USP49: variants seen among roughly 807,000 people sequenced by gnomAD.
USP49 encodes the protein ubiquitin carboxyl-terminal hydrolase 49.
Under a neutral mutation model 58.6 loss-of-function variants are expected in USP49, and 24 were observed. The observed-to-expected ratio is 0.41, with a 90% CI of 0.30 to 0.58. The LOEUF (loss-of-function observed/expected upper bound fraction) is 0.58. USP49 is among the 20% of genes least tolerant of loss of function. The pLI is 0.30. For missense variants in USP49, 703 were observed against 866.1 expected, an observed-to-expected ratio of 0.81 and a Z score of 2.36; for synonymous variants, 408 against 365.1, an observed-to-expected ratio of 1.12 and a Z score of -1.34.
Position 41,803,740 on chromosome 6 carries a change from C to G in USP49, c.1561+66G>C. The G allele has an allele frequency of 1.3e-6, 2 of 1,541,262 alleles. No individual in the cohort carries two copies. The highest frequency in any genetic ancestry group is 8.9e-7 in the Non-Finnish European group (1 of 1,117,514). On this transcript the variant is annotated intron_variant, in intron 5 of 7. Transcript: ENST00000682992. This position sits in a 1 kb window ranked among gnomAD's most constrained non-coding sequence, Gnocchi z 4.1. ...TTACTTTTGACTAAAGAGGACAAAG[C>G]AGCACCTTAAACTGATATTCCAATT... is the stretch of plus-strand genomic sequence containing the variant.
chr6:41,884,471 A>C (rs1162235565), intron 2 of USP49, among the ~76,000 whole-genome samples: 4 of 152,234 alleles, frequency 2.6e-5, no homozygotes, highest in African/African-American at 4.8e-5. Flanking sequence ...ACATACACCA[A>C]AAGAATCAGT....
intron 2 of USP49, among the ~76,000 whole-genome samples, chr6:41,876,409 T>C (rs1774505390): frequency 6.6e-6 from 1 of 152,218 alleles, no homozygotes; most frequent in African/African-American, 2.4e-5. Context: ...ATCAGCCATC[T>C]AATTGAACTT....
intron 3 of USP49, among the ~76,000 whole-genome samples, chr6:41,870,309 T>C (rs1445524209): frequency 6.6e-6 from 1 of 152,206 alleles, no homozygotes; most frequent in Non-Finnish European, 1.5e-5. Context: ...AAGTTAATAG[T>C]GACTGGTTAA....
intron 3 of USP49, among the ~76,000 whole-genome samples, chr6:41,860,999 CA>C (rs2127354757): frequency 6.6e-6 from 1 of 152,022 alleles, no homozygotes; most frequent in East Asian, 2.0e-4. Context: ...CATGGTGGCA[CA>C]CGCCTGTAAT....
chr6:41,864,700 G>A (rs560247007), intron 3 of USP49, among the ~76,000 whole-genome samples: 9 of 152,112 alleles, frequency 5.9e-5, no homozygotes, highest in East Asian at 3.9e-4. Context: ...GGTCATTCAC[G>A]TTTTAAATGT....
In USP49 at chr6:41,820,181, G is replaced by GT. The variant is rs58334288; in HGVS notation, c.-28-13171dup. 8.8e-4 allele frequency among the ~76,000 whole-genome samples: 130 copies of GT among 148,088 alleles called. 1 individual carries two copies. Among genetic ancestry groups the GT allele is most frequent in the South Asian group, 7.2e-3 (34 of 4,710 alleles). On this transcript the variant is annotated intron_variant, in intron 3 of 7. Coordinates refer to ENST00000682992, the MANE Select transcript of USP49 (RefSeq NM_001286554.2). ...CTGTCTGTATCTAGCTACATCATTA[G>GT]TTTTTTTTTTTTTTAAGTTTTATTG...
chr6:41,894,720 C>T (rs1443935363), intron 1 of USP49, among the ~76,000 whole-genome samples: 1 of 152,002 alleles, frequency 6.6e-6, no homozygotes, highest in Admixed American at 6.5e-5. Flanking sequence ...CAAACCCCTG[C>T]TCTTACACCT....
Position 41,793,149 on chromosome 6 carries a change from CAAAAAT to C in USP49, c.*3378_*3383del, listed in dbSNP as rs1772826216. The C allele has an allele frequency of 6.6e-6, 1 of 152,162 alleles. No homozygotes were observed. Among genetic ancestry groups the C allele is most frequent in the Admixed American group, 6.5e-5 (1 of 15,280 alleles). 9.4% of individuals were successfully genotyped at this position (152,162 alleles called of 1,614,324 possible). A position where few individuals can be genotyped will look rare whatever the true frequency, so the allele number is the denominator to read the frequency against. On this transcript the variant is annotated 3_prime_UTR_variant, in exon 8 of 8. Transcript: ENST00000682992. ...ACTCTAGAAGCCTTGCCATTAAAAA[CAAAAAT>C]AAACTCTGCTATTGAGTCCATAGGA...
intron 2 of USP49, among the ~76,000 whole-genome samples, chr6:41,890,301 C>G (rs545615536): frequency 4.2e-4 from 63 of 151,712 alleles, no homozygotes; most frequent in African/African-American, 1.4e-3. Context: ...ATCGCTTGAA[C>G]CTGGGAGGCG....
At chr6:41,850,554 A>T (rs1207748588) in intron 3 of USP49, among the ~76,000 whole-genome samples, 1 of 152,078 alleles carries the variant, frequency 6.6e-6, no homozygotes, top group Non-Finnish European at 1.5e-5. Flanking sequence ...ATAAGAGACT[A>T]CTATAAACAA....
At chr6:41,858,599 C>G (rs1774170047) in intron 3 of USP49, among the ~76,000 whole-genome samples, 3 of 152,176 alleles carry the variant, frequency 2.0e-5, no homozygotes, top group Non-Finnish European at 4.4e-5. Flanking sequence ...GGCCTCCTCA[C>G]TGTTCTTCCA....
Position 41,806,218 on chromosome 6 carries a change from G to A in USP49, c.766C>T (p.Arg256Cys). ...PAMAPGVTGLRNLGNTCYMNS... is the reference protein window; with the variant it reads ...PAMAPGVTGLCNLGNTCYMNS... The stretch of plus-strand genomic sequence containing the variant: ...ATGTAGCAGGTGTTGCCCAGGTTGC[G>A]CAGGCCCGTGACGCCTGGGGCCATG... The change falls in exon 4 of 8, where the codon CGC becomes TGC. Residue 256 changes from arginine (R) to cysteine (C), a missense_variant. Arg to Cys is a radical substitution (Grantham distance 180, BLOSUM62 -3). This residue lies in a region of USP49 where 376 missense variants were observed against 373.5 expected (regional missense o/e 1.01). Transcript: ENST00000682992. This position sits in a 1 kb window ranked among gnomAD's most constrained non-coding sequence, Gnocchi z 5.9. The A allele has an allele frequency of 1.2e-6, 2 of 1,611,840 alleles. No homozygotes were observed. Among genetic ancestry groups the A allele is most frequent in the Non-Finnish European group, 8.5e-7 (1 of 1,180,014 alleles).
chr6:41,859,721 A>C (rs1205077590), intron 3 of USP49, among the ~76,000 whole-genome samples: 4 of 152,230 alleles, frequency 2.6e-5, no homozygotes, highest in African/African-American at 9.6e-5. Context: ...AGGTGAAAAA[A>C]TATTCTGACA....
At chr6:41,799,791 ACAGCTCTCAC>A (rs1319457827) in intron 6 of USP49, 29 bp downstream of exon 6, 1 of 1,581,232 alleles carries the variant, frequency 6.3e-7, no homozygotes, top group South Asian at 1.1e-5. Context: ...AGCTATTCCC[ACAGCTCTCAC>A]CCAGCTGGGA....
intron 7 of USP49, chr6:41,797,918 A>C: frequency 1.4e-5 from 10 of 731,548 alleles, no homozygotes; most frequent in Non-Finnish European, 1.7e-5. Flanking sequence ...CCCAGGCTAG[A>C]ATGCAGTGGT....
At chr6:41,820,846 A>G (rs1045949364) in intron 3 of USP49, among the ~76,000 whole-genome samples, 1 of 152,028 alleles carries the variant, frequency 6.6e-6, no homozygotes, top group Non-Finnish European at 1.5e-5. Context: ...CAAAAACTAC[A>G]AAAAATTATC....
chr6:41,812,493 A>G (rs1314021446), intron 3 of USP49, among the ~76,000 whole-genome samples: 6 of 151,684 alleles, frequency 4.0e-5, no homozygotes, highest in Middle Eastern at 3.4e-3. Context: ...GGAGATCGAG[A>G]CCATCCTGGA....
intron 3 of USP49, among the ~76,000 whole-genome samples, chr6:41,846,970 C>CT (rs1478727738): frequency 1.3e-5 from 2 of 152,160 alleles, no homozygotes; most frequent in Non-Finnish European, 2.9e-5. Flanking sequence ...CATAGGCAGA[C>CT]ATCAGGGGGA....
Position 41,796,689 on chromosome 6 carries a change from A to G in USP49, c.1911T>C (p.Asn637=), listed in dbSNP as rs1027519930. The change falls in exon 8 of 8, where the codon AAT becomes AAC. Residue 637 remains asparagine (N), a synonymous_variant. Transcript: ENST00000682992. The stretch of plus-strand genomic sequence containing the variant: ...TGCACACTTCCTCGACACTGCATAC[A>G]TTCAGCTTTGAGTCATTGCAGTGGA... ...FWVHCNDSKL[N]VCSVEEVCKT... 2.8e-5 allele frequency: 20 copies of G among 717,410 alleles called. No homozygotes were observed. The highest frequency in any genetic ancestry group is 4.7e-5 in the Non-Finnish European group (18 of 385,108). 44.4% of individuals were successfully genotyped at this position (717,410 alleles called of 1,614,324 possible). A position where few individuals can be genotyped will look rare whatever the true frequency, so the allele number is the denominator to read the frequency against.
Sources: gnomAD v4.1 joint callset for allele counts (sites outside exome capture counted in the v4.1 genomes callset) on GRCh38, gnomAD v4.1.1 for gene constraint, gnomAD v4.1.1 regional missense constraint, Gnocchi (gnomAD v3.1) non-coding constraint, MANE v1.5 for transcripts, NCBI Gene and HGNC (gene_info 2026-07-23, HGNC 2026-07-21) for gene names.